Variants in SLC9D1 observed in about 807,000 individuals in gnomAD.
SLC9D1 encodes putative LAG1-interacting protein.
chr13:113,547,061 A>C, the SLC9D1 span: 1 of 515,994 alleles, frequency 1.9e-6, no homozygotes, highest in South Asian at 2.1e-5. Flanking sequence ...GGCCTGTTGC[A>C]GGGAGTGGAG....
At chr13:113,543,109 GC>G in the SLC9D1 span, among the ~76,000 whole-genome samples, 2 of 55,364 alleles carry the variant, frequency 3.6e-5, no homozygotes, top group African/African-American at 7.4e-5. Context: ...TCCTCCCCCT[GC>G]CCCCAGCCCT....
chr13:113,540,591 T>G, the SLC9D1 span, among the ~76,000 whole-genome samples: 704 of 152,344 alleles, frequency 4.6e-3, 2 homozygotes, highest in Non-Finnish European at 8.1e-3. Context: ...GGGCTGCTTT[T>G]TGCTTGCAGA....
the SLC9D1 span, among the ~76,000 whole-genome samples, chr13:113,543,215 ACCACCT>A: frequency 2.6e-5 from 1 of 38,758 alleles, no homozygotes; most frequent in Non-Finnish European, 4.6e-5. Context: ...TCTGTCCGTG[ACCACCT>A]CCTCCCCCTG....
chr13:113,494,311 C>G, the SLC9D1 span, among the ~76,000 whole-genome samples: 1 of 152,144 alleles, frequency 6.6e-6, no homozygotes, highest in Non-Finnish European at 1.5e-5. Flanking sequence ...TCCACGGACT[C>G]TACGTTTATT....
At chr13:113,545,100 G>A in the SLC9D1 span, among the ~76,000 whole-genome samples, 4,413 of 152,326 alleles carry the variant, frequency 0.029, 85 homozygotes, top group Non-Finnish European at 0.034. Context: ...GCTGTTGGGC[G>A]TCCCTCCCTG....
chr13:113,529,224 T>C, the SLC9D1 span: 1 of 152,266 alleles, frequency 6.6e-6, no homozygotes, highest in Non-Finnish European at 1.5e-5. Context: ...AATTCAGTCA[T>C]GACACTTCAT....
At chr13:113,499,434 C>T in the SLC9D1 span, among the ~76,000 whole-genome samples, 4 of 152,144 alleles carry the variant, frequency 2.6e-5, no homozygotes, top group Admixed American at 6.5e-5. Flanking sequence ...AAGATGGAGT[C>T]GCTCTGGTTT....
chr13:113,494,987 G>A, the SLC9D1 span, among the ~76,000 whole-genome samples: 3 of 152,128 alleles, frequency 2.0e-5, no homozygotes, highest in South Asian at 2.1e-4. Context: ...GGGTTCTAGC[G>A]ATTAGTAGCT....
At chr13:113,502,860 G>A in the SLC9D1 span, among the ~76,000 whole-genome samples, 8 of 152,208 alleles carry the variant, frequency 5.3e-5, no homozygotes, top group South Asian at 2.1e-4. Flanking sequence ...ATCGCAGGGC[G>A]GCAGGAGGGG....
the SLC9D1 span, among the ~76,000 whole-genome samples, chr13:113,518,167 G>A: frequency 6.6e-6 from 1 of 152,208 alleles, no homozygotes; most frequent in South Asian, 2.1e-4. Context: ...TAGAGAAATT[G>A]TAATATTTCA....
At chr13:113,495,556 T>G in the SLC9D1 span, 1 of 1,505,482 alleles carries the variant, frequency 6.6e-7, no homozygotes, top group South Asian at 1.3e-5. Flanking sequence ...CGTGGATTGC[T>G]GTGCCCTGCC....
At chr13:113,495,944 G>T in the SLC9D1 span, 2 of 1,614,010 alleles carry the variant, frequency 1.2e-6, no homozygotes, top group Non-Finnish European at 1.7e-6. Context: ...AGAGAGCCCT[G>T]CAGGGGGATT....
At chr13:113,508,645 T>A in the SLC9D1 span, among the ~76,000 whole-genome samples, 1 of 152,164 alleles carries the variant, frequency 6.6e-6, no homozygotes, top group Admixed American at 6.5e-5. Flanking sequence ...GCTGGCCTCC[T>A]GTCACATGAC....
At chr13:113,548,579 G>T in the SLC9D1 span, 9 of 981,354 alleles carry the variant, frequency 9.2e-6, no homozygotes, top group Non-Finnish European at 1.2e-5. Context: ...CTCCAGGGGG[G>T]CACGCAGAGG....
At chr13:113,523,710 A>C in the SLC9D1 span, among the ~76,000 whole-genome samples, 1 of 152,084 alleles carries the variant, frequency 6.6e-6, no homozygotes, top group Non-Finnish European at 1.5e-5. Context: ...GGTTTAACTT[A>C]GATTATTGAT....
the SLC9D1 span, chr13:113,498,612 A>C: frequency 8.5e-6 from 9 of 1,053,844 alleles, no homozygotes; most frequent in Non-Finnish European, 1.2e-5. Flanking sequence ...GTATGTTTTT[A>C]ATGTAGATTG....
chr13:113,501,070 G>T, the SLC9D1 span, among the ~76,000 whole-genome samples: 1 of 152,156 alleles, frequency 6.6e-6, no homozygotes, highest in Admixed American at 6.5e-5. Flanking sequence ...AAAGATTCCT[G>T]CCTGCACCCG....
the SLC9D1 span, among the ~76,000 whole-genome samples, chr13:113,508,455 G>C: frequency 7.2e-5 from 11 of 152,248 alleles, no homozygotes; most frequent in Admixed American, 2.6e-4. Context: ...GGAAGAGGAA[G>C]GGTGTGAGAC....
At chr13:113,522,091 G>A in the SLC9D1 span, among the ~76,000 whole-genome samples, 2 of 152,240 alleles carry the variant, frequency 1.3e-5, no homozygotes, top group South Asian at 4.1e-4. Context: ...GCACTGGCTG[G>A]AATGTCCAGT....
Sources: allele counts gnomAD v4.1 joint callset (sites outside exome capture counted in the v4.1 genomes callset), GRCh38; gene constraint gnomAD v4.1.1; transcripts MANE v1.5; gene names NCBI Gene and HGNC (gene_info 2026-07-23, HGNC 2026-07-21).